Variants in DSTYK observed in about 807,000 individuals in gnomAD.
DSTYK encodes dual serine/threonine and tyrosine protein kinase.
DSTYK carries 34 observed loss-of-function variants against 98.7 expected under a neutral mutation model. The ratio of observed to expected loss-of-function variants is 0.34; its 90% CI spans 0.26 to 0.46. The LOEUF (loss-of-function observed/expected upper bound fraction) is 0.46, where lower values mean the gene tolerates loss of function less well. Among genes scored for constraint, DSTYK ranks in the 20% least tolerant of loss-of-function variants. DSTYK has a pLI of 1.00. For missense variants in DSTYK, 962 were observed against 1,181.7 expected, an observed-to-expected ratio of 0.81 and a Z score of 2.73; for synonymous variants, 462 against 457.3, an observed-to-expected ratio of 1.01 and a Z score of -0.13.
chr1:205,192,240 T>A (rs1324258058), intron 1 of DSTYK, among the ~76,000 whole-genome samples: 1 of 152,126 alleles, frequency 6.6e-6, no homozygotes, highest in Non-Finnish European at 1.5e-5. Flanking sequence ...CATTTAAAAA[T>A]GAAGAAATGG....
chr1:205,205,975 G>A (rs1022623221), intron 1 of DSTYK, among the ~76,000 whole-genome samples: 2 of 152,184 alleles, frequency 1.3e-5, no homozygotes, highest in Non-Finnish European at 2.9e-5. Context: ...TGTTGCACAC[G>A]TATATGGTTT....
chr1:205,194,714 A>G (rs1320263680), intron 1 of DSTYK, among the ~76,000 whole-genome samples: 3 of 151,216 alleles, frequency 2.0e-5, no homozygotes, highest in Non-Finnish European at 4.4e-5. Context: ...GAGCTCAAAA[A>G]AAGAAAACTC....
chr1:205,211,219 G>A (rs1659364606), intron 1 of DSTYK, 52 bp downstream of exon 1: 2 of 1,533,578 alleles, frequency 1.3e-6, no homozygotes, highest in South Asian at 1.2e-5. Context: ...GGTGCGGTCC[G>A]TCCTCCGATT....
At chr1:205,203,317 T>C (rs1347095260) in intron 1 of DSTYK, among the ~76,000 whole-genome samples, 1 of 143,902 alleles carries the variant, frequency 6.9e-6, no homozygotes, top group African/African-American at 2.6e-5. Context: ...ACCCCGTCTC[T>C]ACCAAAAAAA....
At chr1:205,180,310 G>C (rs1329768439) in intron 2 of DSTYK, among the ~76,000 whole-genome samples, 1 of 136,400 alleles carries the variant, frequency 7.3e-6, no homozygotes, top group Non-Finnish European at 1.5e-5. Context: ...TCCCCGCCTT[G>C]TGTCCATGTG....
chr1:205,195,877 CA>C lies in DSTYK; in HGVS notation c.266-8072del, dbSNP rs1483150644. On this transcript the variant is annotated intron_variant, in intron 1 of 12. Coordinates refer to ENST00000367162, the MANE Select transcript of DSTYK (RefSeq NM_015375.3). ...GTGAAACTGCTCCTGAGACTGGTCA[CA>C]CTACCGAGGGAACAGAATCACAGCT... Among the ~76,000 whole-genome samples, 4 of 152,322 alleles carry C rather than the reference CA, an allele frequency of 2.6e-5. No individual in the cohort carries two copies. The South Asian group carries it at 6.2e-4, about 24-fold the overall frequency.
intron 1 of DSTYK, among the ~76,000 whole-genome samples, chr1:205,205,149 T>C (rs1345550907): frequency 1.3e-5 from 2 of 152,158 alleles, no homozygotes; most frequent in Admixed American, 1.3e-4. Context: ...TACAGCACTA[T>C]CTTTACTGAG....
At chr1:205,154,683 A>G (rs1011253124) in intron 10 of DSTYK, among the ~76,000 whole-genome samples, 9 of 152,232 alleles carry the variant, frequency 5.9e-5, no homozygotes, top group African/African-American at 2.2e-4. Flanking sequence ...GAACTGAGTA[A>G]CAGACAGAGG....
intron 1 of DSTYK, among the ~76,000 whole-genome samples, chr1:205,205,449 T>TTA (rs1328319844): frequency 6.6e-6 from 1 of 152,076 alleles, no homozygotes; most frequent in East Asian, 1.9e-4. Flanking sequence ...TATTTTATTA[T>TTA]TATTATTTTT....
At chr1:205,208,148 G>T (rs1659263150) in intron 1 of DSTYK, among the ~76,000 whole-genome samples, 1 of 152,098 alleles carries the variant, frequency 6.6e-6, no homozygotes, top group South Asian at 2.1e-4. Flanking sequence ...CCAAAGTGCT[G>T]GGATTACAGG....
intron 2 of DSTYK, among the ~76,000 whole-genome samples, chr1:205,181,653 G>GGGGTGTGGGT (rs758360038): frequency 1.2e-5 from 1 of 83,962 alleles, no homozygotes; most frequent in East Asian, 2.5e-4. Context: ...CAGATGTTGG[G>GGGGTGTGGGT]GTTTGTGTGT....
At chr1:205,161,993 T>C (rs1437558665) in intron 6 of DSTYK, 43 bp downstream of exon 6, 14 of 1,587,264 alleles carry the variant, frequency 8.8e-6, no homozygotes, top group African/African-American at 1.3e-5. Flanking sequence ...GATGAGGCTC[T>C]TCTCTGCTTG....
In DSTYK at chr1:205,187,400, G is replaced by A. The variant is rs1328159787; in HGVS notation, c.654+18C>T. The A allele has an allele frequency of 6.3e-7, 1 of 1,590,198 alleles. No individual in the cohort carries two copies. The highest frequency in any genetic ancestry group is 1.1e-5 in the South Asian group (1 of 87,642). ...GGTATATATGTATACAATTGGTATA[G>A]AAGTATGAGATTGGTACCTGTAAGA... On this transcript the variant is annotated intron_variant, in intron 2 of 12. Coordinates refer to ENST00000367162, the MANE Select transcript of DSTYK (RefSeq NM_015375.3).
At chr1:205,180,730 G>A (rs1311522424) in intron 2 of DSTYK, among the ~76,000 whole-genome samples, 1 of 152,196 alleles carries the variant, frequency 6.6e-6, no homozygotes, top group African/African-American at 2.4e-5. Context: ...CTCCCAAAGT[G>A]CTGGCATTAC....
chr1:205,183,511 A>G (rs1658480979), intron 2 of DSTYK, among the ~76,000 whole-genome samples: 1 of 152,236 alleles, frequency 6.6e-6, no homozygotes, highest in Non-Finnish European at 1.5e-5. Flanking sequence ...AAGAATGACC[A>G]TTGTATAAGA....
intron 1 of DSTYK, 48 bp downstream of exon 1, chr1:205,211,223 T>C (rs535260455): frequency 4.6e-5 from 71 of 1,537,866 alleles, no homozygotes; most frequent in Admixed American, 1.8e-4. Context: ...CGGTCCGTCC[T>C]CCGATTTGCC....
At chr1:205,194,158 G>C (rs2102463367) in intron 1 of DSTYK, among the ~76,000 whole-genome samples, 1 of 152,236 alleles carries the variant, frequency 6.6e-6, no homozygotes, top group East Asian at 1.9e-4. Context: ...AGTTTTCCCT[G>C]GGTCTTTGTG....
chr1:205,177,156 G>A (rs542198148), intron 2 of DSTYK, among the ~76,000 whole-genome samples: 2 of 152,218 alleles, frequency 1.3e-5, no homozygotes, highest in South Asian at 2.1e-4. Flanking sequence ...ACAGTGAGCC[G>A]TGATCACGTC....
intron 12 of DSTYK, 30 bp from the exon 13 acceptor site, chr1:205,147,775 C>T: frequency 1.9e-6 from 3 of 1,604,490 alleles, no homozygotes; most frequent in African/African-American, 2.7e-5. Flanking sequence ...AACAAGATCA[C>T]AGTGAGAGGG....
Sources: gnomAD v4.1 joint callset for allele counts (sites outside exome capture counted in the v4.1 genomes callset) on GRCh38, gnomAD v4.1.1 for gene constraint, MANE v1.5 for transcripts, NCBI Gene and HGNC (gene_info 2026-07-23, HGNC 2026-07-21) for gene names.